Variants in GCN1 observed in about 807,000 individuals in gnomAD.
The protein encoded by GCN1 is stalled ribosome sensor GCN1.
In GCN1, 90 loss-of-function variants were observed where a neutral mutation model predicts 288.4. The ratio of observed to expected loss-of-function variants is 0.31; its 90% confidence interval spans 0.26 to 0.37. The LOEUF (loss-of-function observed/expected upper bound fraction) is 0.37. GCN1 is among the 10% of genes least tolerant of loss of function. The probability of loss-of-function intolerance (pLI) is 1.00; values close to 1 mark genes in which losing one functional copy is unlikely to be tolerated. For missense variants in GCN1, 2,586 were observed against 3,419.9 expected (o/e 0.76, Z 6.08); for synonymous variants, 1,386 against 1,420.2 (o/e 0.98, Z 0.54).
At chr12:120,141,216 ATC>A (rs574215979) in intron 44 of GCN1, among the ~76,000 whole-genome samples, 193 bp from the exon 45 acceptor site, 33 of 152,158 alleles carry the variant, frequency 2.2e-4, no homozygotes, top group African/African-American at 7.7e-4. Context: ...CCAAAAAATT[ATC>A]TGTTTCACAC....
At chr12:120,173,624 C>A (rs759637500) in intron 14 of GCN1, 29 bp downstream of exon 14, 1 of 1,445,620 alleles carries the variant, frequency 6.9e-7, no homozygotes, top group Admixed American at 1.7e-5. Flanking sequence ...GCAAGGAGAC[C>A]TGGACACTAG....
chr12:120,190,629 C>T (rs1200511775), intron 1 of GCN1, among the ~76,000 whole-genome samples: 2 of 152,156 alleles, frequency 1.3e-5, no homozygotes, highest in East Asian at 3.8e-4. Context: ...CCCCACCCGC[C>T]CCAGTTGTGA....
In GCN1 at chr12:120,190,340, T is replaced by G; in HGVS notation, c.79A>C (p.Arg27=). Residue 27 remains arginine (R), a synonymous_variant, in exon 2 of 58, where the codon AGA becomes CGA. Coordinates refer to ENST00000300648, the MANE Select transcript of GCN1 (RefSeq NM_006836.2). Reference sequence around the variant, plus strand: ...TTCCCAAGTTCACTGAGGATTTCTCTCCGTTCCTTTACACTGGCTGTTGTC... The same window carrying G: ...TTCCCAAGTTCACTGAGGATTTCTCGCCGTTCCTTTACACTGGCTGTTGTC... The part of the protein sequence containing the change: ...KVTTASVKER[R]EILSELGKCV... 1.2e-6 allele frequency: 2 copies of G among 1,610,382 alleles called. No homozygotes were observed. The highest frequency in any genetic ancestry group is 1.7e-6 in the Non-Finnish European group (2 of 1,176,680).
At chr12:120,140,809 G>A (rs772462013) in intron 45 of GCN1, 50 bp downstream of exon 45, 1 of 1,566,502 alleles carries the variant, frequency 6.4e-7, no homozygotes, top group African/African-American at 1.3e-5. Context: ...CGCCCTCTGA[G>A]TCAGGTCGTC....
chr12:120,194,506 G>A (rs1289571107), intron 1 of GCN1, among the ~76,000 whole-genome samples, 174 bp downstream of exon 1: 2 of 152,152 alleles, frequency 1.3e-5, no homozygotes, highest in African/African-American at 4.8e-5. Context: ...TGCGCCGCCC[G>A]GGCCGGGCCA....
intron 38 of GCN1, among the ~76,000 whole-genome samples, chr12:120,146,558 AT>A (rs1877369160): frequency 6.7e-6 from 1 of 150,028 alleles, no homozygotes; most frequent in Non-Finnish European, 1.5e-5. Context: ...AATTTCCCAA[AT>A]TTTCTAGGAT....
chr12:120,150,931 C>T (rs886934142), intron 34 of GCN1, among the ~76,000 whole-genome samples: 4 of 150,760 alleles, frequency 2.7e-5, no homozygotes, highest in African/African-American at 9.7e-5. Context: ...AGCGAGACTC[C>T]GTCTCAAAAA....
At chr12:120,131,539 C>T (rs917223885) in intron 54 of GCN1, among the ~76,000 whole-genome samples, 1 of 152,250 alleles carries the variant, frequency 6.6e-6, no homozygotes, top group Non-Finnish European at 1.5e-5. Flanking sequence ...AAAGCCTGCT[C>T]ATGAACCACT....
intron 1 of GCN1, among the ~76,000 whole-genome samples, chr12:120,191,560 A>C (rs2136120987): frequency 6.6e-6 from 1 of 152,344 alleles, no homozygotes; most frequent in African/African-American, 2.4e-5. Context: ...GTAGCGTAAG[A>C]GTCAAGCGTA....
At position 120,139,629 on chromosome 12, in the gene GCN1, A is replaced by AT. The variant is rs201995596; in HGVS notation, c.5995-774dup. On this transcript the variant is annotated intron_variant, in intron 45 of 57. Transcript: ENST00000300648. ...GGTGACAGAGTAAGACCCCGTCTCA[A>AT]TAAAAAAAAAAAGCAGAGAGGATGT... Among the ~76,000 whole-genome samples, 997 of 151,880 alleles carry AT rather than the reference A, an allele frequency of 6.6e-3. 21 individuals are homozygous for AT. The highest frequency in any genetic ancestry group is 0.023 in the African/African-American group (953 of 41,254).
chr12:120,179,238 CT>C (rs796309360), intron 5 of GCN1, among the ~76,000 whole-genome samples: 47 of 146,320 alleles, frequency 3.2e-4, no homozygotes, highest in South Asian at 6.5e-4. Context: ...ATGGTCCCTG[CT>C]TTTTTTTTTT....
Position 120,136,536 on chromosome 12 carries a change from G to A in GCN1, c.6974C>T (p.Ala2325Val), listed in dbSNP as rs758724282. ...GDRFSWNVKA[A>V]LLETLSLLLA... ...CAAGAGGCTGAGTGTCTCGAGCAGAGCCGCCTTCACATTCCAGCTGAACCT... is the reference window on the plus strand; with the variant it reads ...CAAGAGGCTGAGTGTCTCGAGCAGAACCGCCTTCACATTCCAGCTGAACCT... The change falls in exon 51 of 58, where the codon GCT (alanine) becomes GTT (valine). Residue 2325 changes from alanine to valine, a missense_variant. Ala to Val is a moderately conservative substitution (Grantham distance 64). Coordinates refer to ENST00000300648, the MANE Select transcript of GCN1 (RefSeq NM_006836.2). The A allele has an allele frequency of 4.1e-5, 66 of 1,614,192 alleles. 1 individual carries two copies. Among genetic ancestry groups the A allele is most frequent in the Non-Finnish European group, 5.6e-5 (66 of 1,180,006 alleles).
At position 120,136,663 on chromosome 12, in the gene GCN1, C is replaced by T. The variant is rs1877013638; in HGVS notation, c.6847G>A (p.Ala2283Thr). ...ATTACCAAGCCTAAGGCTTTGGCTG[C>T]CTCCTCCTTCTGCTCAGGGCTGCCA... ...LTGSPEQKEE[A>T]AKALGLVIRL... Residue 2283 changes from alanine (A) to threonine (T), a missense_variant, in exon 51 of 58, where the codon GCA becomes ACA. Transcript: ENST00000300648. 2 of 1,614,146 alleles carry T rather than the reference C, an allele frequency of 1.2e-6. No homozygotes were observed. Among genetic ancestry groups the T allele is most frequent in the Non-Finnish European group, 1.7e-6 (2 of 1,180,024 alleles).
intron 15 of GCN1, chr12:120,168,556 G>A (rs1473955526): frequency 4.8e-6 from 2 of 420,854 alleles, no homozygotes; most frequent in South Asian, 2.7e-5. Flanking sequence ...TCCACCCCAG[G>A]CGCCAAGCTG....
intron 2 of GCN1, among the ~76,000 whole-genome samples, chr12:120,188,912 T>C (rs1371301567): frequency 1.3e-5 from 2 of 152,208 alleles, no homozygotes; most frequent in Admixed American, 1.3e-4. Context: ...GCTATCTTTT[T>C]TAAATATTTC....
rs976515955 is a variant in GCN1 at position 120,142,170 on chromosome 12, T to TA, written c.5829+336dup. Among the ~76,000 whole-genome samples the TA allele has an allele frequency of 7.3e-5, 11 of 151,576 alleles. No homozygotes were observed. The highest frequency in any genetic ancestry group is 1.7e-4 in the African/African-American group (7 of 41,240). On this transcript the variant is annotated intron_variant, in intron 44 of 57. Coordinates refer to ENST00000300648, the MANE Select transcript of GCN1 (RefSeq NM_006836.2). This position sits in a 1 kb window ranked among gnomAD's most constrained non-coding sequence, Gnocchi z 4.9. ...TGAAACCCCGTCTCTACTAAAAATA[T>TA]AAAAAAATGGCCAGGTGTGGTGGTG...
intron 22 of GCN1, among the ~76,000 whole-genome samples, chr12:120,160,962 C>T (rs1007332115): frequency 6.6e-6 from 1 of 152,228 alleles, no homozygotes; most frequent in Non-Finnish European, 1.5e-5. Context: ...CTGGCCACCT[C>T]TCTGAGAAGC....
chr12:120,173,990 A>G, intron 13 of GCN1, 81 bp downstream of exon 13: 2 of 1,050,514 alleles, frequency 1.9e-6, no homozygotes, highest in East Asian at 5.0e-5. Context: ...GGAGAGGTTT[A>G]TGGAAGGAAA....
Position 120,144,588 on chromosome 12 carries a change from G to A in GCN1, c.5352+51C>T. ...TCTCTAGCTCTCCAGGTGAGCACTTGCCTCCTGCCCTCCTCAAGGACTCTA... is the reference window on the plus strand; with the variant it reads ...TCTCTAGCTCTCCAGGTGAGCACTTACCTCCTGCCCTCCTCAAGGACTCTA... On this transcript the variant is annotated intron_variant, in intron 41 of 57. Transcript: ENST00000300648. The surrounding 1 kb of genome is among the most constrained non-coding windows in gnomAD (Gnocchi z 4.7). 2 of 1,566,544 alleles carry A rather than the reference G, an allele frequency of 1.3e-6. No homozygotes were observed. Among genetic ancestry groups the A allele is most frequent in the Middle Eastern group, 1.7e-4 (1 of 5,922 alleles).
Sources: allele counts gnomAD v4.1 joint callset (sites outside exome capture counted in the v4.1 genomes callset), GRCh38; gene constraint gnomAD v4.1.1; non-coding constraint Gnocchi (gnomAD v3.1); transcripts MANE v1.5; gene names NCBI Gene and HGNC (gene_info 2026-07-23, HGNC 2026-07-21).